ANGPT1: variants seen among roughly 807,000 people sequenced by gnomAD.
ANGPT1 encodes the protein angiopoietin-1.
In ANGPT1, 17 loss-of-function variants were observed where a neutral mutation model predicts 62.2. That is an observed-to-expected ratio of 0.27 (90% CI 0.19 to 0.41). The LOEUF (loss-of-function observed/expected upper bound fraction) is 0.41, where lower values mean the gene tolerates loss of function less well. ANGPT1 is among the 10% of genes least tolerant of loss of function. The pLI, the probability that ANGPT1 is intolerant of heterozygous loss-of-function variation, is 1.00. For synonymous variants in ANGPT1, 199 were observed against 198.9 expected (o/e 1.00, Z 0.00); for missense variants, 478 against 594.9 (o/e 0.80, Z 2.04).
chr8:107,385,103 T>C (rs1816708181), intron 1 of ANGPT1, among the ~76,000 whole-genome samples: 1 of 152,136 alleles, frequency 6.6e-6, no homozygotes, highest in Admixed American at 6.6e-5. Context: ...TTCAAGCTCT[T>C]TCTTGGTTCC....
intron 7 of ANGPT1, among the ~76,000 whole-genome samples, chr8:107,282,552 CCA>C (rs1491229500): frequency 1.5e-4 from 4 of 25,882 alleles, no homozygotes; most frequent in African/African-American, 5.2e-4. Context: ...CATATATGAA[CCA>C]TATATATATA....
rs1402383771 is a variant in ANGPT1, at chr8:107,322,051, T to G, written c.653A>C (p.Asn218Thr). The change falls in exon 4 of 9, where the codon AAC becomes ACC. Residue 218 changes from asparagine to threonine, a missense_variant. By Grantham distance (65) the Asn-to-Thr change is moderately conservative. Transcript: ENST00000517746. The stretch of plus-strand genomic sequence containing the variant: ...TTGACGAGTAACCAAGCCTTGAAGG[T>G]TCTCTTTCTCTTCCTTTAAGGTGTC... ...ELDTLKEEKE[N>T]LQGLVTRQTY... 1.2e-6 allele frequency: 2 copies of G among 1,614,072 alleles called. No homozygotes were observed. The highest frequency in any genetic ancestry group is 3.3e-4 in the Middle Eastern group (2 of 6,062).
intron 1 of ANGPT1, among the ~76,000 whole-genome samples, chr8:107,453,891 T>C (rs993061914): frequency 2.0e-5 from 3 of 152,022 alleles, no homozygotes; most frequent in Admixed American, 6.6e-5. Flanking sequence ...ACGCCATTTA[T>C]AGAGTCACCA....
chr8:107,409,058 ACAAAGCTTATTTCTATTATTATG>A (rs1817206592), intron 1 of ANGPT1, among the ~76,000 whole-genome samples: 1 of 147,892 alleles, frequency 6.8e-6, no homozygotes. Context: ...ATGATCATAG[ACAAAGCTTATTTCTATTATTATG>A]CATGCAACTC....
chr8:107,321,972 G>A lies in ANGPT1; in HGVS notation c.732C>T (p.Asn244=), dbSNP rs1449306388. ...EKQLNRATTN[N]SVLQKQQLEL... ...CCAGTTGCTGCTTCTGAAGGACACT[G>A]TTGTTGGTGGTAGCTCTGTTTAATT... The change falls in exon 4 of 9, where the codon AAC becomes AAT. Residue 244 remains asparagine, a synonymous_variant. Coordinates refer to ENST00000517746, the MANE Select transcript of ANGPT1 (RefSeq NM_001146.5). 1.9e-6 allele frequency: 3 copies of A among 1,613,900 alleles called. No individual in the cohort carries two copies. The highest frequency in any genetic ancestry group is 1.1e-5 in the South Asian group (1 of 91,084).
intron 7 of ANGPT1, among the ~76,000 whole-genome samples, chr8:107,270,855 C>A (rs1379787742): frequency 6.6e-6 from 1 of 151,652 alleles, no homozygotes; most frequent in Non-Finnish European, 1.5e-5. Flanking sequence ...AAAGAAGTTT[C>A]CAAAGAAAAG....
At chr8:107,398,500 ATT>A (rs10556477) in intron 1 of ANGPT1, among the ~76,000 whole-genome samples, 10 of 132,764 alleles carry the variant, frequency 7.5e-5, no homozygotes, top group African/African-American at 1.6e-4. Flanking sequence ...TTTCTTTTCT[ATT>A]TTTTTTTTTT....
At chr8:107,486,333 T>C (rs546008038) in intron 1 of ANGPT1, among the ~76,000 whole-genome samples, 17 of 152,318 alleles carry the variant, frequency 1.1e-4, no homozygotes, top group South Asian at 6.2e-4. Context: ...ATTTAACTAC[T>C]GCGTAATCCT....
At chr8:107,308,017 A>G (rs1021693827) in intron 4 of ANGPT1, among the ~76,000 whole-genome samples, 3 of 152,130 alleles carry the variant, frequency 2.0e-5, no homozygotes, top group Non-Finnish European at 4.4e-5. Flanking sequence ...TAATAAGACA[A>G]TTAGAGTATG....
chr8:107,399,773 C>G (rs1817007356), intron 1 of ANGPT1, among the ~76,000 whole-genome samples: 1 of 152,090 alleles, frequency 6.6e-6, no homozygotes, highest in South Asian at 2.1e-4. Context: ...AGAGTCAACA[C>G]AGTGGTCAGT....
intron 4 of ANGPT1, among the ~76,000 whole-genome samples, chr8:107,311,924 C>T (rs207469637): frequency 1.3e-5 from 2 of 151,844 alleles, no homozygotes; most frequent in Admixed American, 6.6e-5. Flanking sequence ...ATTAGGTGGG[C>T]GTGGTGGCGG....
intron 8 of ANGPT1, among the ~76,000 whole-genome samples, chr8:107,257,876 G>GTTTTTTGTTTTT (rs1371396961): frequency 9.4e-5 from 8 of 85,264 alleles, no homozygotes; most frequent in African/African-American, 3.7e-4. Context: ...ACTTGTTTTT[G>GTTTTTTGTTTTT]TTTCTTTTTT....
intron 1 of ANGPT1, among the ~76,000 whole-genome samples, chr8:107,359,165 C>T (rs1359999301): frequency 6.6e-6 from 1 of 152,048 alleles, no homozygotes; most frequent in East Asian, 1.9e-4. Context: ...CTTAGTAATT[C>T]TAACTGCTAA....
chr8:107,289,021 T>A (rs1814210965), intron 6 of ANGPT1, among the ~76,000 whole-genome samples: 1 of 152,168 alleles, frequency 6.6e-6, no homozygotes, highest in Admixed American at 6.5e-5. Context: ...TACAATTTCC[T>A]CTTTTTCATG....
At chr8:107,479,766 A>C (rs536090892) in intron 1 of ANGPT1, among the ~76,000 whole-genome samples, 2 of 152,330 alleles carry the variant, frequency 1.3e-5, no homozygotes, top group Admixed American at 1.3e-4. Flanking sequence ...GTAAGCATTA[A>C]GAATCACATA....
At chr8:107,484,728 A>C (rs1812773939) in intron 1 of ANGPT1, among the ~76,000 whole-genome samples, 1 of 152,212 alleles carries the variant, frequency 6.6e-6, no homozygotes, top group Non-Finnish European at 1.5e-5. Flanking sequence ...CACACTTGCT[A>C]TGTGGCAGAA....
intron 7 of ANGPT1, among the ~76,000 whole-genome samples, chr8:107,276,300 T>TA (rs1813865295): frequency 6.6e-6 from 1 of 152,140 alleles, no homozygotes; most frequent in Non-Finnish European, 1.5e-5. Flanking sequence ...AAAACCTATG[T>TA]TAGGAATTGA....
At chr8:107,429,387 T>C (rs1322509858) in intron 1 of ANGPT1, among the ~76,000 whole-genome samples, 1 of 152,152 alleles carries the variant, frequency 6.6e-6, no homozygotes, top group Non-Finnish European at 1.5e-5. Context: ...AAAAAGCAAC[T>C]GAAAACTTCA....
intron 1 of ANGPT1, among the ~76,000 whole-genome samples, chr8:107,424,206 T>C (rs1274308478): frequency 6.6e-6 from 1 of 152,092 alleles, no homozygotes; most frequent in Non-Finnish European, 1.5e-5. Context: ...ATAATGGCTA[T>C]GTACAATCTT....
Sources: allele counts gnomAD v4.1 joint callset (sites outside exome capture counted in the v4.1 genomes callset), GRCh38; gene constraint gnomAD v4.1.1; transcripts MANE v1.5; gene names NCBI Gene and HGNC (gene_info 2026-07-23, HGNC 2026-07-21).